Variants in NAV2 observed in about 807,000 individuals in gnomAD.
NAV2 encodes the protein helicase, APC down-regulated 1.
In NAV2, 54 loss-of-function variants were observed where a neutral mutation model predicts 223.2. That is an observed-to-expected ratio of 0.24 (90% CI 0.19 to 0.30). The LOEUF is 0.30. NAV2 is among the 10% of genes least tolerant of loss of function. The pLI is 1.00. For missense variants in NAV2, 2,806 were observed against 3,147.5 expected, an observed-to-expected ratio of 0.89 and a Z score of 2.60; for synonymous variants, 1,279 against 1,239.3, an observed-to-expected ratio of 1.03 and a Z score of -0.67.
intron 1 of NAV2, among the ~76,000 whole-genome samples, chr11:19,647,129 A>G (rs2047838622): frequency 6.6e-6 from 1 of 152,224 alleles, no homozygotes; most frequent in Non-Finnish European, 1.5e-5. Context: ...TTGTCCAGAT[A>G]GATTTCCCTT....
chr11:19,915,242 G>A (rs2043701826), intron 6 of NAV2, among the ~76,000 whole-genome samples: 1 of 152,186 alleles, frequency 6.6e-6, no homozygotes, highest in Non-Finnish European at 1.5e-5. Flanking sequence ...GTTTTCAGTG[G>A]GGCACTGGGG....
chr11:19,594,619 C>T (rs917723485), intron 1 of NAV2, among the ~76,000 whole-genome samples: 1 of 152,036 alleles, frequency 6.6e-6, no homozygotes, highest in African/African-American at 2.4e-5. Context: ...TTTCCATCTC[C>T]ATATCTGTAA....
chr11:19,526,254 G>A (rs73420122), intron 1 of NAV2, among the ~76,000 whole-genome samples: 2,300 of 152,220 alleles, frequency 0.015, 61 homozygotes, highest in African/African-American at 0.053. Context: ...TTGTCTCTCA[G>A]TGTTTTCTTC....
chr11:19,527,630 C>A (rs151236384), intron 1 of NAV2, among the ~76,000 whole-genome samples: 180 of 151,264 alleles, frequency 1.2e-3, no homozygotes, highest in African/African-American at 4.1e-3. Context: ...CCCACCCCGT[C>A]CACTCAGCAA....
intron 1 of NAV2, among the ~76,000 whole-genome samples, chr11:19,489,577 A>C (rs1283283118): frequency 6.6e-6 from 1 of 152,202 alleles, no homozygotes; most frequent in Non-Finnish European, 1.5e-5. Flanking sequence ...GAGGCAAAAC[A>C]ACAGCTTGGA....
At chr11:20,030,616 A>T (rs1209602940) in intron 11 of NAV2, among the ~76,000 whole-genome samples, 1 of 152,248 alleles carries the variant, frequency 6.6e-6, no homozygotes, top group East Asian at 1.9e-4. Flanking sequence ...TGTAAATTTA[A>T]CATACCTGGT....
At chr11:19,826,681 C>T (rs1372915042) in intron 1 of NAV2, among the ~76,000 whole-genome samples, 1 of 152,116 alleles carries the variant, frequency 6.6e-6, no homozygotes, top group Admixed American at 6.5e-5. Context: ...GGAGAGGAAA[C>T]TCCAGATAAT....
intron 1 of NAV2, among the ~76,000 whole-genome samples, chr11:19,623,854 G>C (rs1440134639): frequency 2.0e-5 from 3 of 152,180 alleles, no homozygotes; most frequent in Non-Finnish European, 4.4e-5. Context: ...CTGATGTTTA[G>C]AATTTTCAGC....
chr11:19,543,077 C>A (rs2044384100), intron 1 of NAV2, among the ~76,000 whole-genome samples: 1 of 152,224 alleles, frequency 6.6e-6, no homozygotes, highest in African/African-American at 2.4e-5. Flanking sequence ...TCTAAGAGTT[C>A]CTTCACCCAT....
intron 1 of NAV2, among the ~76,000 whole-genome samples, chr11:19,700,845 AT>A (rs1416864532): frequency 2.0e-5 from 3 of 152,240 alleles, no homozygotes; most frequent in African/African-American, 7.2e-5. Context: ...CGAGAAAAGA[AT>A]TTTGATTCTT....
chr11:20,066,960 G>A (rs2059083318), intron 20 of NAV2, among the ~76,000 whole-genome samples: 1 of 152,204 alleles, frequency 6.6e-6, no homozygotes, highest in African/African-American at 2.4e-5. Context: ...AACCAGAGGA[G>A]AGGGAAAGAA....
chr11:20,093,526 G>A (rs1053464960), intron 29 of NAV2, among the ~76,000 whole-genome samples: 1 of 152,170 alleles, frequency 6.6e-6, no homozygotes, highest in Non-Finnish European at 1.5e-5. Flanking sequence ...GCACTTCAGA[G>A]GCAGCTATGC....
chr11:20,002,951 C>T (rs1434212598), intron 11 of NAV2, among the ~76,000 whole-genome samples: 1 of 152,178 alleles, frequency 6.6e-6, no homozygotes, highest in African/African-American at 2.4e-5. Context: ...TGATTAAACA[C>T]TACACAAACA....
At chr11:19,426,899 T>A (rs1387067382) in intron 1 of NAV2, among the ~76,000 whole-genome samples, 1 of 152,200 alleles carries the variant, frequency 6.6e-6, no homozygotes, top group Non-Finnish European at 1.5e-5. Context: ...TGGCATTTGA[T>A]GAGTTCAGTG....
intron 1 of NAV2, among the ~76,000 whole-genome samples, chr11:19,741,683 GTGTGTATATATATATATA>G (rs1466729384): frequency 3.6e-4 from 6 of 16,814 alleles, no homozygotes; most frequent in Non-Finnish European, 8.8e-4. Flanking sequence ...TCATGTGTGT[GTGTGTATATATATATATA>G]TATATATATA....
chr11:20,073,752 G>GT (rs199884609), intron 22 of NAV2, among the ~76,000 whole-genome samples: 6,622 of 152,090 alleles, frequency 0.044, 492 homozygotes, highest in African/African-American at 0.15. Flanking sequence ...TCTGATGGTA[G>GT]TTTGTATTTC....
chr11:20,085,270 A>G (rs1014737201), intron 26 of NAV2, among the ~76,000 whole-genome samples: 20 of 152,098 alleles, frequency 1.3e-4, no homozygotes, highest in Admixed American at 8.5e-4. Flanking sequence ...GACATAGTAC[A>G]GTTCATTCTA....
chr11:19,351,203 G>A (rs1332770125), intron 1 of NAV2, among the ~76,000 whole-genome samples: 1 of 152,110 alleles, frequency 6.6e-6, no homozygotes, highest in African/African-American at 2.4e-5. Flanking sequence ...CTTACTGGTA[G>A]GCAAGAAGAA....
chr11:19,580,335 T>A (rs2045680882), intron 1 of NAV2, among the ~76,000 whole-genome samples: 1 of 124,050 alleles, frequency 8.1e-6, no homozygotes, highest in Non-Finnish European at 1.5e-5. Context: ...TTTTTCTTTC[T>A]TTTTTTTTTA....
Sources: allele counts gnomAD v4.1 joint callset (sites outside exome capture counted in the v4.1 genomes callset), GRCh38; gene constraint gnomAD v4.1.1; transcripts MANE v1.5; gene names NCBI Gene and HGNC (gene_info 2026-07-23, HGNC 2026-07-21).